The following SLC35F1 variants were observed in gnomAD, a reference collection of about 807,000 sequenced individuals.
SLC35F1 encodes solute carrier family 35 member F1, also known as chromosome 6 open reading frame 169.
Under a neutral mutation model 48.7 loss-of-function variants are expected in SLC35F1, and 14 were observed. The ratio of observed to expected loss-of-function variants is 0.29; its 90% CI spans 0.19 to 0.45. The LOEUF (loss-of-function observed/expected upper bound fraction) is 0.45, where lower values mean the gene tolerates loss of function less well. SLC35F1 is among the 20% of genes least tolerant of loss of function. SLC35F1 has a pLI of 1.00. For missense variants in SLC35F1, 404 were observed against 500.0 expected, an observed-to-expected ratio of 0.81 and a Z score of 1.83; for synonymous variants, 190 against 202.2, an observed-to-expected ratio of 0.94 and a Z score of 0.51.
At chr6:117,978,340 C>T (rs536523138) in intron 1 of SLC35F1, among the ~76,000 whole-genome samples, 1 of 151,550 alleles carries the variant, frequency 6.6e-6, no homozygotes, top group Non-Finnish European at 1.5e-5. Flanking sequence ...TACCAGATTA[C>T]CAGTTGTATG....
At chr6:118,093,422 A>G (rs1009911890) in intron 1 of SLC35F1, among the ~76,000 whole-genome samples, 5 of 152,210 alleles carry the variant, frequency 3.3e-5, no homozygotes, top group African/African-American at 1.2e-4. Flanking sequence ...TGTAGTTCCC[A>G]TAATTCCCAT....
At chr6:118,138,871 T>C (rs141823387) in intron 1 of SLC35F1, among the ~76,000 whole-genome samples, 1 of 152,256 alleles carries the variant, frequency 6.6e-6, no homozygotes, top group Non-Finnish European at 1.5e-5. Flanking sequence ...GAATTTAGTC[T>C]CTTTGGCAAC....
chr6:118,074,774 G>C (rs1022329385), intron 1 of SLC35F1, among the ~76,000 whole-genome samples: 1 of 152,102 alleles, frequency 6.6e-6, no homozygotes, highest in Admixed American at 6.5e-5. Flanking sequence ...TCAGCCTTCT[G>C]GTACCTGGGA....
At chr6:118,050,116 C>CA (rs1466300306) in intron 1 of SLC35F1, among the ~76,000 whole-genome samples, 3 of 150,962 alleles carry the variant, frequency 2.0e-5, no homozygotes, top group Admixed American at 1.3e-4. Context: ...ATCACAAGGA[C>CA]AAAAAACCAA....
intron 5 of SLC35F1, among the ~76,000 whole-genome samples, 171 bp from the exon 6 acceptor site, chr6:118,277,323 C>T (rs1195730132): frequency 6.6e-6 from 1 of 152,180 alleles, no homozygotes; most frequent in Non-Finnish European, 1.5e-5. Context: ...CAGGGATAAA[C>T]TGCACTCTGC....
chr6:118,191,293 C>T (rs950195319), intron 2 of SLC35F1, among the ~76,000 whole-genome samples: 2 of 152,194 alleles, frequency 1.3e-5, no homozygotes, highest in African/African-American at 2.4e-5. Flanking sequence ...AAATCCTTCA[C>T]AAATAAAAGT....
chr6:118,116,362 A>G (rs1773476210), intron 1 of SLC35F1, among the ~76,000 whole-genome samples: 1 of 152,200 alleles, frequency 6.6e-6, no homozygotes, highest in Admixed American at 6.5e-5. Flanking sequence ...ACCTTTGTAA[A>G]GTTTCCATGG....
In SLC35F1 at chr6:118,159,415, G is replaced by A. The variant is rs143420788; in HGVS notation, c.349+4795G>A. On this transcript the variant is annotated intron_variant, in intron 2 of 7. Transcript: ENST00000360388. ...GTAACCACTTTGAGAAGTTAGTTAG[G>A]AAATTAAAATGTACCCACTGAAATA... 3.1e-3 allele frequency among the ~76,000 whole-genome samples: 467 copies of A among 152,088 alleles called. 1 individual carries two copies. The highest frequency in any genetic ancestry group is 6.8e-3 in the Middle Eastern group (2 of 294).
intron 3 of SLC35F1, among the ~76,000 whole-genome samples, chr6:118,251,373 T>C (rs1300993102): frequency 5.3e-5 from 8 of 152,170 alleles, no homozygotes; most frequent in African/African-American, 1.4e-4. Context: ...TCTACCCTTA[T>C]AAATTTTCAA....
intron 1 of SLC35F1, among the ~76,000 whole-genome samples, chr6:118,082,177 C>T (rs911733092): frequency 6.6e-6 from 1 of 152,150 alleles, no homozygotes; most frequent in African/African-American, 2.4e-5. Flanking sequence ...AGATTAGGGT[C>T]TAGGCAATTA....
intron 3 of SLC35F1, among the ~76,000 whole-genome samples, chr6:118,243,891 T>C (rs967718329): frequency 6.6e-6 from 1 of 152,224 alleles, no homozygotes; most frequent in African/African-American, 2.4e-5. Flanking sequence ...ATTCAAACGA[T>C]ATTCTTAAAG....
intron 1 of SLC35F1, among the ~76,000 whole-genome samples, chr6:118,072,931 G>C (rs893336801): frequency 9.2e-5 from 14 of 152,252 alleles, no homozygotes; most frequent in Middle Eastern, 3.4e-3. Context: ...ATTGGAGGTG[G>C]AGTAGGGAAG....
At chr6:118,047,297 T>C (rs1772315011) in intron 1 of SLC35F1, among the ~76,000 whole-genome samples, 1 of 152,174 alleles carries the variant, frequency 6.6e-6, no homozygotes, top group Non-Finnish European at 1.5e-5. Flanking sequence ...TAACCTCCTT[T>C]CCAAGTTCAA....
chr6:118,227,664 T>TA (rs1226078011), intron 2 of SLC35F1, among the ~76,000 whole-genome samples: 2 of 19,426 alleles, frequency 1.0e-4, no homozygotes, highest in Non-Finnish European at 2.6e-4. Context: ...TTAAAGGTCT[T>TA]ACATTGAGTA....
chr6:117,917,993 G>T (rs1027002045), intron 1 of SLC35F1, among the ~76,000 whole-genome samples: 1 of 152,128 alleles, frequency 6.6e-6, no homozygotes, highest in Non-Finnish European at 1.5e-5. Context: ...CCAGAAGGAG[G>T]CAATAAGCAG....
chr6:117,926,980 G>A (rs758851226), intron 1 of SLC35F1, among the ~76,000 whole-genome samples: 5 of 152,108 alleles, frequency 3.3e-5, no homozygotes, highest in Non-Finnish European at 5.9e-5. Context: ...CTGCATAAGA[G>A]AAATGTGAAT....
chr6:118,047,683 A>T (rs912638589), intron 1 of SLC35F1, among the ~76,000 whole-genome samples: 26 of 152,132 alleles, frequency 1.7e-4, no homozygotes, highest in Non-Finnish European at 1.3e-4. Flanking sequence ...ACTTTGGATA[A>T]CTCTAGTAAT....
chr6:117,949,220 T>C (rs767004669), intron 1 of SLC35F1, among the ~76,000 whole-genome samples: 32 of 152,282 alleles, frequency 2.1e-4, no homozygotes, highest in Non-Finnish European at 4.1e-4. Flanking sequence ...AACCTGGAAG[T>C]TAGTAAGAAG....
intron 1 of SLC35F1, among the ~76,000 whole-genome samples, chr6:118,083,121 G>A (rs755816126): frequency 8.5e-5 from 13 of 152,120 alleles, no homozygotes; most frequent in Non-Finnish European, 1.8e-4. Context: ...GTAATCTGTG[G>A]GGAGTCACAC....
Sources: allele counts gnomAD v4.1 joint callset (sites outside exome capture counted in the v4.1 genomes callset), GRCh38; gene constraint gnomAD v4.1.1; transcripts MANE v1.5; gene names NCBI Gene and HGNC (gene_info 2026-07-23, HGNC 2026-07-21).